PRR16: variants seen among roughly 807,000 people sequenced by gnomAD.
PRR16 encodes the protein protein Largen.
In PRR16, 6 loss-of-function variants were observed where a neutral mutation model predicts 18.2. The ratio of observed to expected loss-of-function variants is 0.33; its 90% CI spans 0.18 to 0.65. The LOEUF (loss-of-function observed/expected upper bound fraction) is 0.65. Among genes scored for constraint, PRR16 ranks in the 30% least tolerant of loss-of-function variants. The probability of loss-of-function intolerance (pLI) is 0.74; values close to 1 mark genes in which losing one functional copy is unlikely to be tolerated. For synonymous variants in PRR16, 151 were observed against 147.8 expected (o/e 1.02, Z -0.16); for missense variants, 412 against 376.6 (o/e 1.09, Z -0.78).
At chr5:120,526,000 T>G (rs1751334312) in intron 1 of PRR16, among the ~76,000 whole-genome samples, 1 of 152,192 alleles carries the variant, frequency 6.6e-6, no homozygotes, top group Non-Finnish European at 1.5e-5. Context: ...AAATTTGATT[T>G]AATTCATTTT....
chr5:120,663,422 G>C (rs749852865), intron 1 of PRR16, among the ~76,000 whole-genome samples: 2 of 150,904 alleles, frequency 1.3e-5, no homozygotes, highest in Non-Finnish European at 2.9e-5. Flanking sequence ...CTGTTGAAAA[G>C]GTTAAAAAGG....
chr5:120,620,120 T>C (rs1000534201), intron 1 of PRR16, among the ~76,000 whole-genome samples: 1 of 152,180 alleles, frequency 6.6e-6, no homozygotes, highest in African/African-American at 2.4e-5. Flanking sequence ...CAAGTCATGG[T>C]AAAGTTTGGT....
chr5:120,589,855 A>G (rs964172905), intron 1 of PRR16, among the ~76,000 whole-genome samples: 4 of 152,118 alleles, frequency 2.6e-5, no homozygotes, highest in Admixed American at 2.6e-4. Context: ...AAACCATATC[A>G]GGCATTAGTC....
At chr5:120,601,137 G>A (rs1387643994) in intron 1 of PRR16, among the ~76,000 whole-genome samples, 1 of 151,840 alleles carries the variant, frequency 6.6e-6, no homozygotes, top group Non-Finnish European at 1.5e-5. Flanking sequence ...TATGTTCTTT[G>A]AGAAATCTCC....
chr5:120,541,930 T>C (rs1751929361), intron 1 of PRR16, among the ~76,000 whole-genome samples: 1 of 152,090 alleles, frequency 6.6e-6, no homozygotes, highest in South Asian at 2.1e-4. Context: ...TCCTCTTTTT[T>C]TTTTTAATTA....
At chr5:120,658,811 T>A (rs1237419625) in intron 1 of PRR16, among the ~76,000 whole-genome samples, 1 of 151,962 alleles carries the variant, frequency 6.6e-6, no homozygotes, top group Non-Finnish European at 1.5e-5. Context: ...TTTTTAAAGG[T>A]GAAATCCAGA....
chr5:120,604,581 C>T (rs1174794071), intron 1 of PRR16, among the ~76,000 whole-genome samples: 2 of 152,192 alleles, frequency 1.3e-5, no homozygotes, highest in Middle Eastern at 6.8e-3. Flanking sequence ...GGATTTGAAC[C>T]TGTCATCATG....
At chr5:120,711,997 C>A in the PRR16 span, among the ~76,000 whole-genome samples, 6 of 152,138 alleles carry the variant, frequency 3.9e-5, no homozygotes, top group African/African-American at 1.4e-4. Flanking sequence ...ATTTGACCAC[C>A]TGTGTGTCAT....
chr5:120,755,325 C>A, the PRR16 span, among the ~76,000 whole-genome samples: 1 of 151,878 alleles, frequency 6.6e-6, no homozygotes, highest in African/African-American at 2.4e-5. Flanking sequence ...TATGATTGAC[C>A]CTGTCAGGCA....
chr5:120,637,195 C>G (rs1755256943), intron 1 of PRR16, among the ~76,000 whole-genome samples: 1 of 151,660 alleles, frequency 6.6e-6, no homozygotes, highest in African/African-American at 2.4e-5. Flanking sequence ...GTAATATAAA[C>G]TAGTATAACA....
At chr5:120,779,247 G>A in the PRR16 span, among the ~76,000 whole-genome samples, 1 of 152,078 alleles carries the variant, frequency 6.6e-6, no homozygotes, top group Non-Finnish European at 1.5e-5. Flanking sequence ...TGAATAAAAA[G>A]GAAATTAAAA....
At chr5:120,668,653 G>T (rs902524839) in intron 1 of PRR16, among the ~76,000 whole-genome samples, 2 of 152,076 alleles carry the variant, frequency 1.3e-5, no homozygotes, top group African/African-American at 4.8e-5. Flanking sequence ...AGGCCTGGTG[G>T]TGACAAAATC....
chr5:120,704,873 G>T, the PRR16 span, among the ~76,000 whole-genome samples: 1 of 152,122 alleles, frequency 6.6e-6, no homozygotes, highest in Admixed American at 6.5e-5. Flanking sequence ...CACCATATGT[G>T]TAAGAGACAA....
the PRR16 span, among the ~76,000 whole-genome samples, chr5:120,786,642 T>C: frequency 6.6e-5 from 10 of 150,730 alleles, no homozygotes; most frequent in Admixed American, 6.6e-4. Context: ...AAGAAGAAAA[T>C]TATAAAAATT....
chr5:120,482,071 G>A (rs934871058), intron 1 of PRR16, among the ~76,000 whole-genome samples: 2 of 152,068 alleles, frequency 1.3e-5, no homozygotes, highest in African/African-American at 4.8e-5. Flanking sequence ...TGAAAAATTT[G>A]TCACCTTTTT....
At chr5:120,645,795 A>T (rs1427517658) in intron 1 of PRR16, among the ~76,000 whole-genome samples, 2 of 151,988 alleles carry the variant, frequency 1.3e-5, no homozygotes, top group East Asian at 2.0e-4. Flanking sequence ...TGATCAATTT[A>T]TCTGCAGCAC....
chr5:120,596,447 T>A (rs1753816909), intron 1 of PRR16, among the ~76,000 whole-genome samples: 1 of 151,814 alleles, frequency 6.6e-6, no homozygotes, highest in Non-Finnish European at 1.5e-5. Context: ...TTCTATGTAT[T>A]TGGGGCCATT....
At chr5:120,591,892 C>G (rs1753647466) in intron 1 of PRR16, among the ~76,000 whole-genome samples, 1 of 152,050 alleles carries the variant, frequency 6.6e-6, no homozygotes, top group South Asian at 2.1e-4. Context: ...AGTAAAGATA[C>G]AAATTTTACA....
At chr5:120,639,047 T>C (rs1658445687) in intron 1 of PRR16, among the ~76,000 whole-genome samples, 1 of 152,042 alleles carries the variant, frequency 6.6e-6, no homozygotes, top group South Asian at 2.1e-4. Flanking sequence ...TTCAAACGAG[T>C]ATGTAGTGAC....
Sources: gnomAD v4.1 joint callset for allele counts (sites outside exome capture counted in the v4.1 genomes callset) on GRCh38, gnomAD v4.1.1 for gene constraint, MANE v1.5 for transcripts, NCBI Gene and HGNC (gene_info 2026-07-23, HGNC 2026-07-21) for gene names.